Variants in KIAA1958 observed in about 807,000 individuals in gnomAD.
KIAA1958 encodes uncharacterized protein KIAA1958.
KIAA1958 carries 14 observed loss-of-function variants against 47.2 expected under a neutral mutation model. The ratio of observed to expected loss-of-function variants is 0.30; its 90% CI spans 0.20 to 0.46. KIAA1958 has a LOEUF of 0.46. Ranked by LOEUF, KIAA1958 falls within the 20% of genes least tolerant of loss-of-function variation. The pLI is 1.00. For synonymous variants in KIAA1958, 354 were observed against 353.3 expected (o/e 1.00, Z -0.02); for missense variants, 803 against 909.2 (o/e 0.88, Z 1.50).
chr9:112,506,609 T>C (rs1472086130), intron 1 of KIAA1958, among the ~76,000 whole-genome samples: 1 of 152,194 alleles, frequency 6.6e-6, no homozygotes, highest in Non-Finnish European at 1.5e-5. Flanking sequence ...TTCCGTTACT[T>C]TTTTTACTGG....
chr9:112,531,461 A>G (rs1834751021), intron 1 of KIAA1958, among the ~76,000 whole-genome samples: 1 of 152,212 alleles, frequency 6.6e-6, no homozygotes. Context: ...GACTAGAGGG[A>G]AAAATACCAC....
chr9:112,574,135 G>A lies in KIAA1958; in HGVS notation c.55G>A (p.Ala19Thr), dbSNP rs774379497. Residue 19 changes from alanine to threonine, a missense_variant, in exon 2 of 4, where the codon GCC (alanine) becomes ACC (threonine). Physicochemically the swap from Ala to Thr is moderately conservative, Grantham distance 58. Coordinates refer to ENST00000337530, the MANE Select transcript of KIAA1958 (RefSeq NM_133465.4). ...SENLSKLVSWAHSHGTICSLI... is the reference protein window; with the variant it reads ...SENLSKLVSWTHSHGTICSLI... Reference sequence around the variant, plus strand: ...GAATCTGTCCAAATTGGTCAGCTGGGCCCATAGCCATGGGACTATTTGCAG... The same window carrying A: ...GAATCTGTCCAAATTGGTCAGCTGGACCCATAGCCATGGGACTATTTGCAG... 2 of 1,613,264 alleles carry A rather than the reference G, an allele frequency of 1.2e-6. No homozygotes were observed. Among genetic ancestry groups the A allele is most frequent in the Non-Finnish European group, 1.7e-6 (2 of 1,179,552 alleles).
chr9:112,592,330 C>G (rs1023026154), intron 2 of KIAA1958, among the ~76,000 whole-genome samples: 1 of 152,224 alleles, frequency 6.6e-6, no homozygotes, highest in Admixed American at 6.5e-5. Flanking sequence ...GATCACACCA[C>G]TGCACTCCAG....
chr9:112,667,847 A>C lies in KIAA1958; in HGVS notation c.*7778A>C, dbSNP rs966412329. The C allele has an allele frequency of 6.6e-6, 1 of 152,228 alleles. No homozygotes were observed. The highest frequency in any genetic ancestry group is 2.4e-5 in the African/African-American group (1 of 41,448). 9.4% of individuals were successfully genotyped at this position (152,228 alleles called of 1,614,324 possible). On this transcript the variant is annotated 3_prime_UTR_variant, in exon 4 of 4. Coordinates refer to ENST00000337530, the MANE Select transcript of KIAA1958 (RefSeq NM_133465.4). ...TACGAGGCTTGATTTAAATAAAACA[A>C]TGTTTGCTTAGTATCCTAATTTCAG...
At chr9:112,559,764 C>G (rs1437668987) in intron 1 of KIAA1958, among the ~76,000 whole-genome samples, 1 of 152,218 alleles carries the variant, frequency 6.6e-6, no homozygotes, top group Non-Finnish European at 1.5e-5. Context: ...ATCACTCACT[C>G]TGAGACAGAA....
At chr9:112,587,778 C>G (rs1396817334) in intron 2 of KIAA1958, among the ~76,000 whole-genome samples, 2 of 152,152 alleles carry the variant, frequency 1.3e-5, no homozygotes, top group Non-Finnish European at 2.9e-5. Context: ...GTAACAATGT[C>G]TCACCTTGGT....
chr9:112,603,289 T>G (rs1224330341), intron 2 of KIAA1958, among the ~76,000 whole-genome samples: 1 of 152,198 alleles, frequency 6.6e-6, no homozygotes, highest in East Asian at 1.9e-4. Context: ...TCTCTTCTCC[T>G]TGCATATGTA....
intron 2 of KIAA1958, among the ~76,000 whole-genome samples, chr9:112,638,032 C>T (rs1256475526): frequency 6.6e-6 from 1 of 152,014 alleles, no homozygotes; most frequent in Non-Finnish European, 1.5e-5. Context: ...GCCTGTGATT[C>T]CAGCTACTTG....
rs547003494 is a variant in KIAA1958, at chr9:112,605,601, T to C, written c.1171+30350T>C. On this transcript the variant is annotated intron_variant, in intron 2 of 3. Coordinates refer to ENST00000337530, the MANE Select transcript of KIAA1958 (RefSeq NM_133465.4). ...CATGTACTTTTCTGACCAACTAGTT[T>C]TCTTAGGATAAAACACAAGGCCCTG... 2.6e-5 allele frequency among the ~76,000 whole-genome samples: 4 copies of C among 152,292 alleles called. No individual in the cohort carries two copies. The South Asian group carries it at 8.3e-4, about 32-fold the overall frequency.
intron 1 of KIAA1958, among the ~76,000 whole-genome samples, chr9:112,554,408 G>A (rs577274654): frequency 6.6e-6 from 1 of 152,078 alleles, no homozygotes; most frequent in Non-Finnish European, 1.5e-5. Context: ...TGAGGCAGGA[G>A]AATCGCTTGA....
rs141086923 is a variant in KIAA1958, at chr9:112,598,076, G to A, written c.1171+22825G>A. ...TAGACATGCTGTGGTAGGAAAAAGCGGAGAATTTGTTGGCATAAGGAGAGG... is the reference window on the plus strand; with the variant it reads ...TAGACATGCTGTGGTAGGAAAAAGCAGAGAATTTGTTGGCATAAGGAGAGG... On this transcript the variant is annotated intron_variant, in intron 2 of 3. Coordinates refer to ENST00000337530, the MANE Select transcript of KIAA1958 (RefSeq NM_133465.4). 5.8e-3 allele frequency among the ~76,000 whole-genome samples: 878 copies of A among 152,224 alleles called. 13 individuals are homozygous for A. Among genetic ancestry groups the A allele is most frequent in the African/African-American group, 0.02 (843 of 41,530 alleles).
chr9:112,569,828 T>C (rs1252227172), intron 1 of KIAA1958, among the ~76,000 whole-genome samples: 1 of 152,088 alleles, frequency 6.6e-6, no homozygotes. Context: ...TTCACCACAT[T>C]GGCCAGGCTG....
At chr9:112,606,874 A>C (rs992441608) in intron 2 of KIAA1958, among the ~76,000 whole-genome samples, 1 of 152,224 alleles carries the variant, frequency 6.6e-6, no homozygotes, top group Non-Finnish European at 1.5e-5. Flanking sequence ...ATCTCATTCA[A>C]ATGCTGAGAA....
At chr9:112,491,477 T>C (rs1230685168) in intron 1 of KIAA1958, among the ~76,000 whole-genome samples, 1 of 152,172 alleles carries the variant, frequency 6.6e-6, no homozygotes, top group Non-Finnish European at 1.5e-5. Context: ...TCTGGAAATC[T>C]ATGGCCTCTT....
In KIAA1958 at chr9:112,659,572, C is replaced by G; in HGVS notation, c.1654C>G (p.Pro552Ala). ...WQAGCLGDDS[P>A]ITLLSTVVKY... is the part of the protein sequence containing the mutation. Reference sequence around the variant, plus strand: ...GGCAGGGTGTCTGGGGGATGACAGCCCTATCACTCTCCTGTCCACTGTGGT... The same window carrying G: ...GGCAGGGTGTCTGGGGGATGACAGCGCTATCACTCTCCTGTCCACTGTGGT... Residue 552 changes from proline to alanine, a missense_variant, in exon 4 of 4, where the codon CCT (proline) becomes GCT (alanine). Around this residue, in one of 2 missense-constraint regions of KIAA1958, gnomAD observed 761 missense variants for 829.3 expected, o/e 0.92. Coordinates refer to ENST00000337530, the MANE Select transcript of KIAA1958 (RefSeq NM_133465.4). The G allele has an allele frequency of 1.2e-6, 2 of 1,613,256 alleles. No homozygotes were observed. Among genetic ancestry groups the G allele is most frequent in the Non-Finnish European group, 1.7e-6 (2 of 1,179,644 alleles).
At chr9:112,562,575 A>G (rs1401157313) in intron 1 of KIAA1958, among the ~76,000 whole-genome samples, 1 of 152,216 alleles carries the variant, frequency 6.6e-6, no homozygotes, top group Non-Finnish European at 1.5e-5. Flanking sequence ...TCACCTATTC[A>G]GAATACTTGG....
chr9:112,619,066 G>A (rs1464550086), intron 2 of KIAA1958: 1 of 769,694 alleles, frequency 1.3e-6, no homozygotes, highest in Non-Finnish European at 1.6e-6. Flanking sequence ...TTACAAATAA[G>A]CCAATGGAGA....
intron 2 of KIAA1958, chr9:112,617,872 C>A: frequency 6.5e-7 from 1 of 1,544,448 alleles, no homozygotes; most frequent in Non-Finnish European, 8.7e-7. Context: ...TTGTTGCAGA[C>A]CAGGATGAAA....
chr9:112,549,321 G>A (rs555469287), intron 1 of KIAA1958, among the ~76,000 whole-genome samples: 1 of 152,178 alleles, frequency 6.6e-6, no homozygotes, highest in South Asian at 2.1e-4. Context: ...TATTTCCCTT[G>A]GGTTTTATAA....
Sources: gnomAD v4.1 joint callset for allele counts (sites outside exome capture counted in the v4.1 genomes callset) on GRCh38, gnomAD v4.1.1 for gene constraint, gnomAD v4.1.1 regional missense constraint, MANE v1.5 for transcripts, NCBI Gene and HGNC (gene_info 2026-07-23, HGNC 2026-07-21) for gene names.